AATF: variants seen among roughly 807,000 people sequenced by gnomAD.
AATF encodes apoptosis antagonizing transcription factor.
Under a neutral mutation model 63.7 loss-of-function variants are expected in AATF, and 48 were observed. That is an observed-to-expected ratio of 0.75 (90% CI 0.60 to 0.96). The LOEUF (loss-of-function observed/expected upper bound fraction) is 0.96. AATF is among the 40% of genes least tolerant of loss of function. AATF has a pLI of 0.00. For synonymous variants in AATF, 258 were observed against 247.7 expected (o/e 1.04, Z -0.39); for missense variants, 639 against 685.7 (o/e 0.93, Z 0.76).
chr17:36,956,378 G>T (rs1266637464), intron 4 of AATF, among the ~76,000 whole-genome samples: 1 of 152,148 alleles, frequency 6.6e-6, no homozygotes, highest in Non-Finnish European at 1.5e-5. Context: ...CAGACTTTAA[G>T]AAAAAAATTC....
intron 8 of AATF, among the ~76,000 whole-genome samples, chr17:37,014,899 A>T (rs1204252815): frequency 6.6e-6 from 1 of 152,048 alleles, no homozygotes; most frequent in African/African-American, 2.4e-5. Flanking sequence ...ATTTTTTAAA[A>T]TTTTCTGTTT....
At chr17:36,989,484 C>T (rs1038326438) in intron 7 of AATF, 73 bp downstream of exon 7, 12 of 1,428,352 alleles carry the variant, frequency 8.4e-6, no homozygotes, top group Non-Finnish European at 1.1e-5. Context: ...AAACTTGTAG[C>T]TATTACCTGT....
At chr17:36,985,710 A>AT (rs556069512) in intron 4 of AATF, among the ~76,000 whole-genome samples, 49 of 151,072 alleles carry the variant, frequency 3.2e-4, no homozygotes, top group African/African-American at 1.1e-3. Flanking sequence ...CCCTCAGCTA[A>AT]TTTTTTTGTA....
chr17:36,950,349 C>T lies in AATF; in HGVS notation c.227C>T (p.Thr76Ile). 1 of 1,614,184 alleles carries T rather than the reference C, an allele frequency of 6.2e-7. No individual in the cohort carries two copies. Among genetic ancestry groups the T allele is most frequent in the Non-Finnish European group, 8.5e-7 (1 of 1,180,026 alleles). The change falls in exon 2 of 12, where the codon ACC (threonine) becomes ATC (isoleucine). Residue 76 changes from threonine (T) to isoleucine (I), a missense_variant. Transcript: ENST00000619387. ...GACAAAAGGTATTGCGGCAAAACCA[C>T]CTCTAGAAAAGCATGGAATGAAGAC... is the stretch of plus-strand genomic sequence containing the variant. ...DTDKRYCGKT[T>I]SRKAWNEDHW...
At chr17:37,048,820 A>T (rs35223755) in intron 11 of AATF, among the ~76,000 whole-genome samples, 2 of 152,200 alleles carry the variant, frequency 1.3e-5, no homozygotes, top group Non-Finnish European at 2.9e-5. Flanking sequence ...TCATAGAGAC[A>T]CTTCTCAAAT....
chr17:36,959,013 G>T (rs1158379332), intron 4 of AATF, among the ~76,000 whole-genome samples: 1 of 152,048 alleles, frequency 6.6e-6, no homozygotes, highest in East Asian at 1.9e-4. Context: ...GGGTGTGGTG[G>T]CGGGCACCTG....
intron 1 of AATF, 63 bp from the exon 2 acceptor site, chr17:36,950,151 G>A (rs568114106): frequency 8.1e-5 from 127 of 1,559,496 alleles, no homozygotes; most frequent in Non-Finnish European, 1.1e-4. Context: ...GGGTCGACCA[G>A]GGTTCCCGTT....
intron 4 of AATF, among the ~76,000 whole-genome samples, chr17:36,959,882 T>C (rs1276583548): frequency 6.6e-6 from 1 of 152,080 alleles, no homozygotes; most frequent in East Asian, 1.9e-4. Context: ...TTCCTAAGAG[T>C]ATGAAAACAG....
At chr17:36,952,501 C>G (rs557433814) in intron 2 of AATF, among the ~76,000 whole-genome samples, 1 of 152,354 alleles carries the variant, frequency 6.6e-6, no homozygotes, top group East Asian at 1.9e-4. Flanking sequence ...CAGTTGAAAT[C>G]TTACTGTTCT....
chr17:37,019,830 G>C (rs1030177697), intron 9 of AATF, among the ~76,000 whole-genome samples: 1 of 152,150 alleles, frequency 6.6e-6, no homozygotes, highest in Non-Finnish European at 1.5e-5. Context: ...GTAGGATGTT[G>C]ATATTTCGTT....
chr17:36,952,878 C>G lies in AATF; in HGVS notation c.284-8C>G, dbSNP rs1464721743. On this transcript the variant is annotated splice_region_variant and splice_polypyrimidine_tract_variant and intron_variant, in intron 2 of 11. Transcript: ENST00000619387. ...CATTTTTCTCTTTCTTCCCTCTCTT[C>G]TTTGTAGATGAGGAAATATCTGATG... The G allele has an allele frequency of 2.5e-6, 4 of 1,607,964 alleles. No homozygotes were observed. Among genetic ancestry groups the G allele is most frequent in the Middle Eastern group, 1.7e-4 (1 of 5,984 alleles).
chr17:36,977,210 A>G (rs1597708567), intron 4 of AATF, among the ~76,000 whole-genome samples: 2 of 152,198 alleles, frequency 1.3e-5, no homozygotes, highest in East Asian at 3.8e-4. Context: ...CATACCTTTT[A>G]TGGCCCAGGT....
intron 4 of AATF, among the ~76,000 whole-genome samples, chr17:36,969,506 G>A (rs753144384): frequency 7.9e-5 from 12 of 152,154 alleles, no homozygotes; most frequent in Non-Finnish European, 1.3e-4. Flanking sequence ...TTTTCTAGAG[G>A]TGCTGGGCAC....
At chr17:37,045,130 T>TG (rs1252358309) in intron 11 of AATF, among the ~76,000 whole-genome samples, 1 of 152,178 alleles carries the variant, frequency 6.6e-6, no homozygotes, top group African/African-American at 2.4e-5. Context: ...GAGTTCAAGT[T>TG]GCTGGCAGCA....
At chr17:37,056,024 T>C (rs1312679330) in intron 11 of AATF, 1 of 152,364 alleles carries the variant, frequency 6.6e-6, no homozygotes, top group African/African-American at 2.4e-5. Context: ...CATGTTATTG[T>C]TTTAATGTCA....
intron 6 of AATF, 49 bp from the exon 7 acceptor site, chr17:36,989,198 T>C (rs2071193714): frequency 6.4e-7 from 1 of 1,569,210 alleles, no homozygotes; most frequent in East Asian, 2.3e-5. Context: ...GTAGCTTGCC[T>C]TCAGCACTGA....
intron 4 of AATF, among the ~76,000 whole-genome samples, chr17:36,968,794 AT>A (rs2071016577): frequency 6.6e-6 from 1 of 151,292 alleles, no homozygotes; most frequent in Admixed American, 6.6e-5. Context: ...GCTATTTTTT[AT>A]TTTTAGTAGA....
At chr17:36,965,670 T>C (rs1274771302) in intron 4 of AATF, among the ~76,000 whole-genome samples, 1 of 152,102 alleles carries the variant, frequency 6.6e-6, no homozygotes. Flanking sequence ...TCTCTGGACA[T>C]GTTTGGGATC....
chr17:36,972,294 T>C (rs2071045417), intron 4 of AATF, among the ~76,000 whole-genome samples: 1 of 152,226 alleles, frequency 6.6e-6, no homozygotes, highest in Admixed American at 6.5e-5. Flanking sequence ...AAAAATGAGA[T>C]GTCTTTAAAC....
Sources: allele counts gnomAD v4.1 joint callset (sites outside exome capture counted in the v4.1 genomes callset), GRCh38; gene constraint gnomAD v4.1.1; transcripts MANE v1.5; gene names NCBI Gene and HGNC (gene_info 2026-07-23, HGNC 2026-07-21).